The following EYA2 variants were observed in gnomAD, a reference collection of about 807,000 sequenced individuals.
EYA2 encodes the protein EYA transcriptional coactivator and phosphatase 2, also known as protein phosphatase EYA2.
Under a neutral mutation model 69.2 loss-of-function variants are expected in EYA2, and 31 were observed. The ratio of observed to expected loss-of-function variants is 0.45; its 90% CI spans 0.34 to 0.60. The LOEUF (loss-of-function observed/expected upper bound fraction) is 0.60. Ranked by LOEUF, EYA2 falls within the 20% of genes least tolerant of loss-of-function variation. The probability of loss-of-function intolerance (pLI) is 0.02; values close to 1 mark genes in which losing one functional copy is unlikely to be tolerated. For synonymous variants in EYA2, 257 were observed against 279.4 expected, an observed-to-expected ratio of 0.92 and a Z score of 0.80; for missense variants, 622 against 701.2, an observed-to-expected ratio of 0.89 and a Z score of 1.28.
chr20:47,081,723 G>T (rs1311133082), intron 7 of EYA2, among the ~76,000 whole-genome samples: 1 of 146,568 alleles, frequency 6.8e-6, no homozygotes, highest in Non-Finnish European at 1.5e-5. Flanking sequence ...AGGTTGCAGC[G>T]AGCCAAGATT....
rs185178657 is a variant in EYA2 at position 47,014,250 on chromosome 20, T to C, written c.299-1931T>C. Among the ~76,000 whole-genome samples the C allele has an allele frequency of 1.8e-3, 277 of 152,314 alleles. 1 individual carries two copies. The highest frequency in any genetic ancestry group is 6.5e-3 in the African/African-American group (270 of 41,580). ...AAACCATCTAGGACTCCAGCCCAGA[T>C]TTCCTGACTCACAATCTATCTGTTT... On this transcript the variant is annotated intron_variant, in intron 4 of 15. Transcript: ENST00000327619.
In EYA2 at chr20:47,082,408, G is replaced by T. The variant is rs368708629; in HGVS notation, c.662-6831G>T. Among the ~76,000 whole-genome samples the T allele has an allele frequency of 2.6e-3, 398 of 151,422 alleles. 1 individual carries two copies. The highest frequency in any genetic ancestry group is 9.1e-3 in the African/African-American group (375 of 41,410). Reference sequence around the variant, plus strand: ...TCTAAAAAGTAACTTTAGCAGTGTTGCAGGGTACTAGGTGAATATCTAAAA... The same window carrying T: ...TCTAAAAAGTAACTTTAGCAGTGTTTCAGGGTACTAGGTGAATATCTAAAA... On this transcript the variant is annotated intron_variant, in intron 7 of 15. Transcript: ENST00000327619.
chr20:47,013,808 C>T (rs1340265135), intron 4 of EYA2, among the ~76,000 whole-genome samples: 4 of 152,208 alleles, frequency 2.6e-5, no homozygotes. Context: ...ACGTTAACGA[C>T]TCCTAGTGGA....
chr20:46,895,687 T>C (rs1983770875), intron 1 of EYA2, among the ~76,000 whole-genome samples: 2 of 152,224 alleles, frequency 1.3e-5, no homozygotes, highest in East Asian at 1.9e-4. Flanking sequence ...AATTGTTTTT[T>C]AGTCATGAAG....
At chr20:47,114,274 C>G (rs1253328215) in intron 9 of EYA2, among the ~76,000 whole-genome samples, 1 of 152,188 alleles carries the variant, frequency 6.6e-6, no homozygotes, top group East Asian at 1.9e-4. Flanking sequence ...TTTTCTGTCC[C>G]CCTTTAAGGG....
intron 10 of EYA2, 145 bp from the exon 11 acceptor site, chr20:47,168,994 C>T (rs545834109): frequency 1.4e-5 from 10 of 692,916 alleles, no homozygotes; most frequent in Non-Finnish European, 2.5e-5. Context: ...CTTGAGTATC[C>T]AAATCCAGAC....
chr20:46,996,682 G>A (rs747362100), intron 2 of EYA2, among the ~76,000 whole-genome samples: 96 of 152,104 alleles, frequency 6.3e-4, no homozygotes, highest in Non-Finnish European at 2.6e-4. Flanking sequence ...GTATTAGTCC[G>A]TTCTCGCACT....
chr20:46,985,624 T>C (rs940928493), intron 1 of EYA2, among the ~76,000 whole-genome samples: 37 of 151,994 alleles, frequency 2.4e-4, no homozygotes, highest in African/African-American at 8.7e-4. Context: ...CAGGAGGAAA[T>C]ACCAATGGAA....
chr20:47,096,470 C>T (rs374506074), intron 8 of EYA2, among the ~76,000 whole-genome samples: 15 of 152,200 alleles, frequency 9.9e-5, no homozygotes, highest in East Asian at 3.9e-4. Context: ...ACTCCCATAT[C>T]GATAGCTCCA....
intron 2 of EYA2, among the ~76,000 whole-genome samples, chr20:46,991,577 G>T (rs1412328442): frequency 2.0e-5 from 3 of 152,176 alleles, no homozygotes; most frequent in African/African-American, 7.2e-5. Context: ...TGGCCCTGAA[G>T]TTTGTCTTTG....
At chr20:46,990,265 A>G in intron 2 of EYA2, 146 bp downstream of exon 2, 2 of 503,494 alleles carry the variant, frequency 4.0e-6, no homozygotes, top group Non-Finnish European at 7.4e-6. Context: ...TTGCCTCTGA[A>G]CCAAAACTTT....
intron 1 of EYA2, among the ~76,000 whole-genome samples, chr20:46,970,492 A>G (rs1980070574): frequency 6.6e-6 from 1 of 152,204 alleles, no homozygotes; most frequent in South Asian, 2.1e-4. Flanking sequence ...AATTCCCTGT[A>G]CAACAAAGAA....
At chr20:46,951,664 T>G (rs1457183514) in intron 1 of EYA2, among the ~76,000 whole-genome samples, 1 of 152,206 alleles carries the variant, frequency 6.6e-6, no homozygotes, top group Non-Finnish European at 1.5e-5. Context: ...CTCAGATTCT[T>G]GTCCCAGCTC....
intron 7 of EYA2, among the ~76,000 whole-genome samples, chr20:47,081,300 T>A (rs2031704216): frequency 6.6e-6 from 1 of 152,100 alleles, no homozygotes; most frequent in African/African-American, 2.4e-5. Flanking sequence ...TGAAACTTGC[T>A]GAGAGAGTAG....
intron 5 of EYA2, among the ~76,000 whole-genome samples, chr20:47,047,000 T>A (rs1193635036): frequency 6.6e-6 from 1 of 152,228 alleles, no homozygotes; most frequent in Non-Finnish European, 1.5e-5. Context: ...TGGGTTATTG[T>A]GAAGACAAAA....
chr20:47,127,663 C>G (rs936715804), intron 9 of EYA2, among the ~76,000 whole-genome samples: 1 of 152,232 alleles, frequency 6.6e-6, no homozygotes, highest in Non-Finnish European at 1.5e-5. Flanking sequence ...TCTCTGATGC[C>G]TCTTTGGGGC....
rs1264344070 is a variant in EYA2 at position 46,987,948 on chromosome 20, CTCTCTCTCTCTCTCTCTATATATATA to C, written c.-10-2051_-10-2026del. 7.2e-5 allele frequency among the ~76,000 whole-genome samples: 3 copies of C among 41,624 alleles called. No individual in the cohort carries two copies. In the East Asian group the frequency reaches 1.9e-3, roughly 26 times the overall value. The allele number at this position is 41,624 out of a possible 152,430, so 27.3% of individuals were successfully genotyped here. On this transcript the variant is annotated intron_variant, in intron 1 of 15. Transcript: ENST00000327619. ...TCTCTCTCTCTCTCTCTCTCTCTCT[CTCTCTCTCTCTCTCTCTATATATATA>C]TATATATATATATATATATATATGG...
intron 10 of EYA2, 89 bp from the exon 11 acceptor site, chr20:47,169,050 C>T: frequency 8.0e-7 from 1 of 1,242,678 alleles, no homozygotes; most frequent in South Asian, 1.2e-5. Context: ...CATCCCAGCC[C>T]TCAGCTTATG....
intron 5 of EYA2, among the ~76,000 whole-genome samples, chr20:47,032,778 G>A (rs2146400180): frequency 6.6e-6 from 1 of 152,248 alleles, no homozygotes; most frequent in East Asian, 1.9e-4. Flanking sequence ...GTGAAGCCTG[G>A]GACAAAGTCA....
Sources: gnomAD v4.1 joint callset for allele counts (sites outside exome capture counted in the v4.1 genomes callset) on GRCh38, gnomAD v4.1.1 for gene constraint, MANE v1.5 for transcripts, NCBI Gene and HGNC (gene_info 2026-07-23, HGNC 2026-07-21) for gene names.